Variants in NRG3 observed in about 807,000 individuals in gnomAD.
NRG3 encodes the protein pro-neuregulin-3, membrane-bound isoform.
A neutral mutation model predicts 66.9 loss-of-function variants in NRG3; 31 were observed. The ratio of observed to expected loss-of-function variants is 0.46; its 90% confidence interval spans 0.35 to 0.63. NRG3 has a LOEUF of 0.63. NRG3 is among the 20% of genes least tolerant of loss of function. The pLI, the probability that NRG3 is intolerant of heterozygous loss-of-function variation, is 0.00. For missense variants in NRG3, 910 were observed against 878.9 expected (o/e 1.04, Z -0.45); for synonymous variants, 393 against 359.4 (o/e 1.09, Z -1.06).
At chr10:81,901,575 G>A (rs762452852) in intron 1 of NRG3, among the ~76,000 whole-genome samples, 25 of 151,986 alleles carry the variant, frequency 1.6e-4, no homozygotes, top group Non-Finnish European at 3.1e-4. Context: ...AGGCTGAGGC[G>A]GGAGGATTGC....
intron 1 of NRG3, among the ~76,000 whole-genome samples, chr10:82,197,869 G>T (rs948647062): frequency 7.2e-5 from 11 of 151,952 alleles, no homozygotes; most frequent in African/African-American, 2.4e-4. Context: ...GTTAATTATT[G>T]TAAACCAAAT....
At chr10:82,362,079 CAAAAAAAAAAAAAAAAA>C (rs58975630) in intron 2 of NRG3, among the ~76,000 whole-genome samples, 4 of 13,914 alleles carry the variant, frequency 2.9e-4, no homozygotes, top group South Asian at 5.4e-3. Flanking sequence ...AAAGTACATG[CAAAAAAAAAAAAAAAAA>C]AAAAAAAAAA....
At chr10:82,409,454 G>A (rs931080005) in intron 2 of NRG3, among the ~76,000 whole-genome samples, 2 of 151,348 alleles carry the variant, frequency 1.3e-5, no homozygotes, top group African/African-American at 4.9e-5. Context: ...CCCATGCCCG[G>A]ATAAACAAAG....
chr10:82,267,461 C>G (rs998417859), intron 1 of NRG3, among the ~76,000 whole-genome samples: 7 of 152,190 alleles, frequency 4.6e-5, no homozygotes, highest in African/African-American at 1.7e-4. Flanking sequence ...AGGAGCTTGA[C>G]TGAGACAGAG....
chr10:82,900,645 A>T (rs1844126335), intron 4 of NRG3, among the ~76,000 whole-genome samples: 1 of 152,132 alleles, frequency 6.6e-6, no homozygotes, highest in African/African-American at 2.4e-5. Flanking sequence ...GCGTTATTTC[A>T]TTTTTTAAAA....
At chr10:81,981,353 A>G (rs889574817) in intron 1 of NRG3, among the ~76,000 whole-genome samples, 15 of 152,228 alleles carry the variant, frequency 9.9e-5, no homozygotes, top group African/African-American at 3.1e-4. Context: ...GAAAGGAATC[A>G]TAGATCCCTA....
At chr10:82,526,191 A>G (rs1374834459) in intron 2 of NRG3, among the ~76,000 whole-genome samples, 3 of 151,900 alleles carry the variant, frequency 2.0e-5, no homozygotes, top group Non-Finnish European at 4.4e-5. Flanking sequence ...AAGGAATATA[A>G]ATAGGTAAAT....
intron 1 of NRG3, among the ~76,000 whole-genome samples, chr10:82,199,674 A>G (rs2074666217): frequency 6.6e-6 from 1 of 152,156 alleles, no homozygotes; most frequent in Non-Finnish European, 1.5e-5. Context: ...GCTATTTGTT[A>G]CTTGGTAGGT....
At chr10:82,507,709 G>T (rs1008161673) in intron 2 of NRG3, among the ~76,000 whole-genome samples, 3 of 152,176 alleles carry the variant, frequency 2.0e-5, no homozygotes, top group African/African-American at 7.2e-5. Flanking sequence ...CAGTATTTGG[G>T]ACTAGGTTTC....
intron 2 of NRG3, among the ~76,000 whole-genome samples, chr10:82,400,785 A>G (rs1004177677): frequency 3.3e-5 from 5 of 151,914 alleles, no homozygotes; most frequent in Non-Finnish European, 7.4e-5. Flanking sequence ...ATGTTGCCCA[A>G]GCTGGCCTGA....
chr10:82,098,971 TAG>T (rs1198872863), intron 1 of NRG3, among the ~76,000 whole-genome samples: 3 of 152,178 alleles, frequency 2.0e-5, no homozygotes, highest in African/African-American at 7.2e-5. Context: ...TTCACCGTGT[TAG>T]CCAGGATGGT....
At chr10:82,812,297 T>C (rs1421171255) in intron 3 of NRG3, among the ~76,000 whole-genome samples, 1 of 152,200 alleles carries the variant, frequency 6.6e-6, no homozygotes, top group Non-Finnish European at 1.5e-5. Flanking sequence ...ATGCTGAAAA[T>C]TAACAACCCA....
intron 1 of NRG3, among the ~76,000 whole-genome samples, chr10:81,995,695 C>T (rs1372773972): frequency 6.6e-6 from 1 of 152,122 alleles, no homozygotes; most frequent in South Asian, 2.1e-4. Context: ...CTATGAGTGT[C>T]TGGAGATAGG....
At chr10:81,959,828 A>T (rs1850184808) in intron 1 of NRG3, among the ~76,000 whole-genome samples, 1 of 152,180 alleles carries the variant, frequency 6.6e-6, no homozygotes, top group Non-Finnish European at 1.5e-5. Context: ...AAGATGTTAC[A>T]TAGAGGTTAC....
chr10:82,364,014 G>A (rs7911089), intron 2 of NRG3, among the ~76,000 whole-genome samples: 4,584 of 151,890 alleles, frequency 0.03, 266 homozygotes, highest in African/African-American at 0.11. Flanking sequence ...AACTAAAAAG[G>A]TTGATAGTTT....
chr10:81,878,140 A>C, intron 1 of NRG3: 1 of 1,436,472 alleles, frequency 7.0e-7, no homozygotes, highest in African/African-American at 1.4e-5. Context: ...CATTCCGTGG[A>C]CGGGAATGGC....
At chr10:82,845,231 G>C (rs2063252767) in intron 3 of NRG3, among the ~76,000 whole-genome samples, 1 of 152,286 alleles carries the variant, frequency 6.6e-6, no homozygotes, top group African/African-American at 2.4e-5. Flanking sequence ...TGCCAGTAGT[G>C]GTGCCTCATA....
chr10:82,183,767 A>T (rs571250434), intron 1 of NRG3, among the ~76,000 whole-genome samples: 2 of 152,050 alleles, frequency 1.3e-5, no homozygotes, highest in Admixed American at 6.6e-5. Flanking sequence ...AACATCTTAA[A>T]TATACAAAAC....
intron 1 of NRG3, among the ~76,000 whole-genome samples, chr10:82,326,044 T>C (rs1482819326): frequency 6.6e-6 from 1 of 152,230 alleles, no homozygotes; most frequent in Non-Finnish European, 1.5e-5. Context: ...GACTGAAGGA[T>C]GTCCTTTACA....
Sources: allele counts gnomAD v4.1 joint callset (sites outside exome capture counted in the v4.1 genomes callset), GRCh38; gene constraint gnomAD v4.1.1; transcripts MANE v1.5; gene names NCBI Gene and HGNC (gene_info 2026-07-23, HGNC 2026-07-21).